The following CSGALNACT2 variants were observed in gnomAD, a reference collection of about 807,000 sequenced individuals.
CSGALNACT2 encodes the protein chondroitin sulfate N-acetylgalactosaminyltransferase 2.
In CSGALNACT2, 35 loss-of-function variants were observed where a neutral mutation model predicts 55.3. The ratio of observed to expected loss-of-function variants is 0.63; its 90% CI spans 0.48 to 0.84. The LOEUF (loss-of-function observed/expected upper bound fraction) is 0.84, where lower values mean the gene tolerates loss of function less well. CSGALNACT2 is among the 40% of genes least tolerant of loss of function. The pLI is 0.00. For synonymous variants in CSGALNACT2, 196 were observed against 224.9 expected (o/e 0.87, Z 1.15); for missense variants, 544 against 657.5 (o/e 0.83, Z 1.89).
intron 7 of CSGALNACT2, 107 bp from the exon 8 acceptor site, chr10:43,183,143 T>G (rs1839623726): frequency 5.6e-6 from 5 of 888,400 alleles, no homozygotes; most frequent in Non-Finnish European, 9.0e-6. Context: ...ACCTTTTTGC[T>G]GAACCATCCC....
intron 1 of CSGALNACT2, among the ~76,000 whole-genome samples, chr10:43,147,576 A>G (rs973043863): frequency 2.0e-5 from 3 of 152,054 alleles, no homozygotes; most frequent in Non-Finnish European, 2.9e-5. Context: ...ATTTTATCCT[A>G]TGCTTGCTTT....
intron 6 of CSGALNACT2, among the ~76,000 whole-genome samples, chr10:43,167,716 G>A (rs1236462525): frequency 6.6e-6 from 1 of 151,922 alleles, no homozygotes; most frequent in Non-Finnish European, 1.5e-5. Context: ...AATTAATATT[G>A]GTAAGTTACT....
At chr10:43,143,314 G>C (rs1166139442) in intron 1 of CSGALNACT2, among the ~76,000 whole-genome samples, 10 of 152,060 alleles carry the variant, frequency 6.6e-5, no homozygotes, top group African/African-American at 2.4e-4. Context: ...TTCCTCTATT[G>C]ATGAACATTA....
rs1397905761 is a variant in CSGALNACT2 at position 43,163,979 on chromosome 10, T to C, written c.1094T>C (p.Phe365Ser). 1 of 1,614,044 alleles carries C rather than the reference T, an allele frequency of 6.2e-7. No individual in the cohort carries two copies. Among genetic ancestry groups the C allele is most frequent in the Non-Finnish European group, 8.5e-7 (1 of 1,180,026 alleles). The change falls in exon 5 of 8, where the codon TTC (phenylalanine) becomes TCC (serine). Residue 365 changes from phenylalanine to serine, a missense_variant. By Grantham distance (155) the Phe-to-Ser change is radical. This residue lies in a region of CSGALNACT2 where 170 missense variants were observed against 256.2 expected (regional missense o/e 0.66). Coordinates refer to ENST00000374466, the MANE Select transcript of CSGALNACT2 (RefSeq NM_018590.5). ...GACAAGGGAGAGGTCTTGATGTTTT[T>C]CTGTGATGTTGATATCTATTTCTCA... ...AWDKGEVLMFFCDVDIYFSAE... is the reference protein window; with the variant it reads ...AWDKGEVLMFSCDVDIYFSAE...
At position 43,167,084 on chromosome 10, in the gene CSGALNACT2, G is replaced by T; in HGVS notation, c.1240G>T (p.Val414Leu). 6.2e-7 allele frequency: 1 copy of T among 1,608,312 alleles called. No individual in the cohort carries two copies. The highest frequency in any genetic ancestry group is 1.3e-5 in the African/African-American group (1 of 74,950). ...VYANQEVPPPVEQQLVHKKDS... is the reference protein window; with the variant it reads ...VYANQEVPPPLEQQLVHKKDS... ...TGCCAACCAGGAAGTGCCACCACCT[G>T]TGGAGCAGCAGCTGGTGAGACTTTC... The change falls in exon 6 of 8, where the codon GTG (valine) becomes TTG (leucine). Residue 414 changes from valine to leucine, a missense_variant. Val to Leu is a conservative substitution (Grantham distance 32). Around this residue, in one of 2 missense-constraint regions of CSGALNACT2, gnomAD observed 170 missense variants for 256.2 expected, o/e 0.66. Coordinates refer to ENST00000374466, the MANE Select transcript of CSGALNACT2 (RefSeq NM_018590.5).
rs61579799 is a variant in CSGALNACT2, at chr10:43,175,930, GTTTT to G, written c.1255-11_1255-8del. ...TTCTTATGGAATTAAATTGTTTTCTGTTTTTTTTTTTTTAACTAAGGTTCACAAA... is the reference window on the plus strand; with the variant it reads ...TTCTTATGGAATTAAATTGTTTTCTGTTTTTTTTTAACTAAGGTTCACAAA... On this transcript the variant is annotated splice_polypyrimidine_tract_variant and intron_variant, in intron 6 of 7. Transcript: ENST00000374466. 2 of 1,319,702 alleles carry G rather than the reference GTTTT, an allele frequency of 1.5e-6. No individual in the cohort carries two copies. The highest frequency in any genetic ancestry group is 2.1e-6 in the Non-Finnish European group (2 of 958,382). The allele number at this position is 1,319,702 out of a possible 1,614,324, so 81.7% of individuals were successfully genotyped here.
chr10:43,152,515 C>T (rs1183252456), intron 1 of CSGALNACT2, among the ~76,000 whole-genome samples: 1 of 152,244 alleles, frequency 6.6e-6, no homozygotes, highest in East Asian at 1.9e-4. Flanking sequence ...ACCTGTATTT[C>T]CCTTAAAGGG....
At chr10:43,161,361 A>T (rs1839144699) in intron 4 of CSGALNACT2, among the ~76,000 whole-genome samples, 1 of 152,354 alleles carries the variant, frequency 6.6e-6, no homozygotes, top group South Asian at 2.1e-4. Flanking sequence ...GTATGATGTA[A>T]TGTAAACTAT....
intron 7 of CSGALNACT2, among the ~76,000 whole-genome samples, 176 bp downstream of exon 7, chr10:43,176,208 AG>A (rs1273251548): frequency 2.0e-5 from 3 of 152,244 alleles, no homozygotes; most frequent in South Asian, 2.1e-4. Flanking sequence ...TGTTTTGAAT[AG>A]GAAAAAAATG....
At chr10:43,163,587 A>C (rs1839197146) in intron 4 of CSGALNACT2, 1 of 985,114 alleles carries the variant, frequency 1.0e-6, no homozygotes, top group Non-Finnish European at 1.2e-6. Context: ...GTATTTTTCA[A>C]CTCCCCAAAA....
intron 1 of CSGALNACT2, among the ~76,000 whole-genome samples, chr10:43,140,771 T>C (rs536966491): frequency 5.9e-5 from 9 of 152,384 alleles, no homozygotes; most frequent in Non-Finnish European, 1.2e-4. Context: ...AATTGAATTA[T>C]AGGGCTAGTT....
At chr10:43,168,532 T>C (rs911441859) in intron 6 of CSGALNACT2, among the ~76,000 whole-genome samples, 1 of 152,154 alleles carries the variant, frequency 6.6e-6, no homozygotes, top group Non-Finnish European at 1.5e-5. Context: ...AGTTACCCTG[T>C]AGGTATATAA....
chr10:43,161,472 C>T (rs1358630260), intron 4 of CSGALNACT2, among the ~76,000 whole-genome samples: 1 of 152,206 alleles, frequency 6.6e-6, no homozygotes, highest in Non-Finnish European at 1.5e-5. Flanking sequence ...CAGATTTGAT[C>T]AGCCATTCTT....
intron 1 of CSGALNACT2, among the ~76,000 whole-genome samples, chr10:43,150,445 A>T (rs1838852720): frequency 6.6e-6 from 1 of 152,194 alleles, no homozygotes; most frequent in Admixed American, 6.5e-5. Context: ...TTAGCTTTTT[A>T]TGTAGAGAAA....
intron 1 of CSGALNACT2, among the ~76,000 whole-genome samples, chr10:43,139,633 T>C (rs1164481070): frequency 6.6e-6 from 1 of 152,274 alleles, no homozygotes; most frequent in Non-Finnish European, 1.5e-5. Context: ...TCCATCATCC[T>C]ATTTTCCTGT....
chr10:43,158,681 T>G (rs1839072566), intron 2 of CSGALNACT2, 34 bp from the exon 3 acceptor site: 1 of 1,243,796 alleles, frequency 8.0e-7, no homozygotes, highest in African/African-American at 1.5e-5. Flanking sequence ...AACTTTGACA[T>G]GGAGACGTCT....
chr10:43,155,659 G>A lies in CSGALNACT2; in HGVS notation c.510G>A (p.Lys170=). Residue 170 remains lysine, a synonymous_variant, in exon 2 of 8, where the codon AAG becomes AAA. Coordinates refer to ENST00000374466, the MANE Select transcript of CSGALNACT2 (RefSeq NM_018590.5). ...GTCTCACTCGCCATCCTGAAGAAAAGCCAGTTAGAAAAGACAAACGAGATG... is the reference window on the plus strand; with the variant it reads ...GTCTCACTCGCCATCCTGAAGAAAAACCAGTTAGAAAAGACAAACGAGATG... ...EMGLTRHPEE[K]PVRKDKRDEL... 2 of 1,614,156 alleles carry A rather than the reference G, an allele frequency of 1.2e-6. No homozygotes were observed. Among genetic ancestry groups the A allele is most frequent in the Non-Finnish European group, 1.7e-6 (2 of 1,180,030 alleles).
chr10:43,163,330 C>A, intron 4 of CSGALNACT2: 1 of 719,442 alleles, frequency 1.4e-6, no homozygotes, highest in Non-Finnish European at 1.7e-6. Context: ...AAAATCCCTG[C>A]TCCCACAGAG....
At chr10:43,162,145 T>C (rs1839163474) in intron 4 of CSGALNACT2, 1 of 518,956 alleles carries the variant, frequency 1.9e-6, no homozygotes. Flanking sequence ...ACCATCAAAA[T>C]TCTCGTCTCC....
Sources: gnomAD v4.1 joint callset for allele counts (sites outside exome capture counted in the v4.1 genomes callset) on GRCh38, gnomAD v4.1.1 for gene constraint, gnomAD v4.1.1 regional missense constraint, MANE v1.5 for transcripts, NCBI Gene and HGNC (gene_info 2026-07-23, HGNC 2026-07-21) for gene names.